TBC1D22B: variants seen among roughly 807,000 people sequenced by gnomAD.
TBC1D22B encodes the protein chromosome 6 open reading frame 197.
In TBC1D22B, 32 loss-of-function variants were observed where a neutral mutation model predicts 69.1. That is an observed-to-expected ratio of 0.46 (90% CI 0.35 to 0.62). The LOEUF (loss-of-function observed/expected upper bound fraction) is 0.62, where lower values mean the gene tolerates loss of function less well. Among genes scored for constraint, TBC1D22B ranks in the 20% least tolerant of loss-of-function variants. The pLI is 0.00. For synonymous variants in TBC1D22B, 206 were observed against 229.8 expected, an observed-to-expected ratio of 0.90 and a Z score of 0.94; for missense variants, 462 against 630.9, an observed-to-expected ratio of 0.73 and a Z score of 2.87.
At chr6:37,282,769 G>C (rs1462942791) in intron 4 of TBC1D22B, 113 bp from the exon 5 acceptor site, 2 of 966,306 alleles carry the variant, frequency 2.1e-6, no homozygotes, top group East Asian at 5.0e-5. Context: ...ATGGGTAGCA[G>C]GTGGTGGTGG....
intron 8 of TBC1D22B, among the ~76,000 whole-genome samples, chr6:37,297,688 TAGA>T (rs1340353635): frequency 6.6e-6 from 1 of 152,190 alleles, no homozygotes; most frequent in Admixed American, 6.5e-5. Flanking sequence ...AAAATTGTAG[TAGA>T]AGTATGTTTA....
rs1204917031 is a variant in TBC1D22B at position 37,316,076 on chromosome 6, A to C, written c.1166-627A>C. Among the ~76,000 whole-genome samples the C allele has an allele frequency of 2.0e-5, 3 of 152,220 alleles. No homozygotes were observed. The East Asian group carries it at 5.8e-4, about 29-fold the overall frequency. ...CAATCCCACTAAGCATTATTTGGAG[A>C]GCTGTCCTGTGGAACAGCAATCAGG... On this transcript the variant is annotated intron_variant, in intron 10 of 12. Transcript: ENST00000373491.
intron 8 of TBC1D22B, among the ~76,000 whole-genome samples, chr6:37,298,695 G>A (rs537236729): frequency 4.6e-5 from 7 of 152,002 alleles, no homozygotes; most frequent in South Asian, 2.1e-4. Context: ...ACAGGCGCCC[G>A]CCACCACGCA....
intron 1 of TBC1D22B, among the ~76,000 whole-genome samples, chr6:37,261,415 G>C (rs2010960): frequency 0.19 from 25,993 of 137,306 alleles, 2,506 homozygotes; most frequent in Admixed American, 0.22. Context: ...CTGGGCAACA[G>C]AGCAAGAGAT....
intron 8 of TBC1D22B, among the ~76,000 whole-genome samples, chr6:37,301,224 G>GT (rs1195480370): frequency 1.3e-5 from 2 of 152,136 alleles, no homozygotes; most frequent in African/African-American, 4.8e-5. Flanking sequence ...ATTTTTGTGG[G>GT]TTTTTTGGTA....
At chr6:37,323,608 A>G (rs973089927) in intron 12 of TBC1D22B, among the ~76,000 whole-genome samples, 1 of 152,244 alleles carries the variant, frequency 6.6e-6, no homozygotes, top group Non-Finnish European at 1.5e-5. Context: ...GGTCAGGGTT[A>G]TTAAATAGTG....
At position 37,291,195 on chromosome 6, in the gene TBC1D22B, T is replaced by C. The variant is rs532363655; in HGVS notation, c.868-48T>C. ...AGTAGGTAAACGGAGGGAAGGAGTG[T>C]GTGTCCCCGTGATTTAACACTCGTG... On this transcript the variant is annotated intron_variant, in intron 7 of 12. Coordinates refer to ENST00000373491, the MANE Select transcript of TBC1D22B (RefSeq NM_017772.4). 2.3e-5 allele frequency: 30 copies of C among 1,295,864 alleles called. 1 individual carries two copies. The South Asian group carries it at 3.3e-4, about 14-fold the overall frequency. 80.3% of individuals were successfully genotyped at this position (1,295,864 alleles called of 1,614,324 possible). A position where few individuals can be genotyped will look rare whatever the true frequency, so the allele number is the denominator to read the frequency against.
intron 12 of TBC1D22B, among the ~76,000 whole-genome samples, chr6:37,329,590 A>ACTGTAT (rs1330681282): frequency 6.6e-6 from 1 of 152,242 alleles, no homozygotes; most frequent in African/African-American, 2.4e-5. Flanking sequence ...AAACTTGTCT[A>ACTGTAT]CTGTAACCAA....
chr6:37,315,595 GA>G (rs1768053337), intron 10 of TBC1D22B, among the ~76,000 whole-genome samples: 2 of 150,292 alleles, frequency 1.3e-5, no homozygotes, highest in South Asian at 4.4e-4. Flanking sequence ...CTTGTTTTTT[GA>G]GATGGAGTCT....
chr6:37,312,816 C>A, intron 8 of TBC1D22B, 102 bp from the exon 9 acceptor site: 1 of 908,076 alleles, frequency 1.1e-6, no homozygotes, highest in South Asian at 1.4e-5. Context: ...TTAGCCTGGT[C>A]CTCACTTGGC....
At chr6:37,272,212 G>A (rs1291483910) in intron 2 of TBC1D22B, among the ~76,000 whole-genome samples, 1 of 151,588 alleles carries the variant, frequency 6.6e-6, no homozygotes, top group Non-Finnish European at 1.5e-5. Flanking sequence ...CTACAGGCGT[G>A]CACCACCACA....
At position 37,265,600 on chromosome 6, in the gene TBC1D22B, C is replaced by G. The variant is rs1393726968; in HGVS notation, c.57-3994C>G. Among the ~76,000 whole-genome samples the G allele has an allele frequency of 2.0e-5, 3 of 152,012 alleles. No homozygotes were observed. In the East Asian group the frequency reaches 5.8e-4, roughly 29 times the overall value. Reference sequence around the variant, plus strand: ...CCTTCCTCTCTCAGCAGAACTTTCCCTTTACTCTTTGATTCCTCTTTTTTT... The same window carrying G: ...CCTTCCTCTCTCAGCAGAACTTTCCGTTTACTCTTTGATTCCTCTTTTTTT... On this transcript the variant is annotated intron_variant, in intron 1 of 12. Coordinates refer to ENST00000373491, the MANE Select transcript of TBC1D22B (RefSeq NM_017772.4).
intron 8 of TBC1D22B, among the ~76,000 whole-genome samples, chr6:37,311,354 G>C (rs528329503): frequency 6.6e-6 from 1 of 151,902 alleles, no homozygotes; most frequent in Non-Finnish European, 1.5e-5. Flanking sequence ...TTCAGATATA[G>C]GTCTTAGTAA....
intron 1 of TBC1D22B, chr6:37,258,282 C>G (rs564330607): frequency 5.6e-6 from 2 of 356,528 alleles, no homozygotes; most frequent in Non-Finnish European, 1.0e-5. Flanking sequence ...CGGCCCTGGT[C>G]TCGGAAGTTC....
At chr6:37,298,092 T>C (rs1767444097) in intron 8 of TBC1D22B, among the ~76,000 whole-genome samples, 2 of 152,124 alleles carry the variant, frequency 1.3e-5, no homozygotes, top group African/African-American at 2.4e-5. Flanking sequence ...AAATACGTAA[T>C]GTAAATGACA....
At chr6:37,316,921 T>A in intron 11 of TBC1D22B, 91 bp downstream of exon 11, 4 of 1,583,680 alleles carry the variant, frequency 2.5e-6, no homozygotes, top group Non-Finnish European at 3.4e-6. Flanking sequence ...CTTAGAAGCT[T>A]CCCCTTCTCC....
intron 1 of TBC1D22B, 61 bp downstream of exon 1, chr6:37,258,034 C>T: frequency 6.4e-7 from 1 of 1,571,978 alleles, no homozygotes; most frequent in Non-Finnish European, 8.7e-7. Flanking sequence ...ATCCTAATCC[C>T]TGAATCCCGC....
chr6:37,314,534 C>T (rs1032535248), intron 10 of TBC1D22B, among the ~76,000 whole-genome samples: 2 of 152,156 alleles, frequency 1.3e-5, no homozygotes, highest in Non-Finnish European at 2.9e-5. Flanking sequence ...AATTCCTCAG[C>T]TTTGGCCTAG....
chr6:37,261,645 CAAT>C (rs1048507477), intron 1 of TBC1D22B, among the ~76,000 whole-genome samples: 3 of 152,046 alleles, frequency 2.0e-5, no homozygotes, highest in Non-Finnish European at 4.4e-5. Flanking sequence ...AGGAGGTACA[CAAT>C]AATATTAGCT....
Sources: allele counts gnomAD v4.1 joint callset (sites outside exome capture counted in the v4.1 genomes callset), GRCh38; gene constraint gnomAD v4.1.1; transcripts MANE v1.5; gene names NCBI Gene and HGNC (gene_info 2026-07-23, HGNC 2026-07-21).